ARHGEF4: variants seen among roughly 807,000 people sequenced by gnomAD.
ARHGEF4 encodes the protein APC-stimulated guanine nucleotide exchange factor 1.
Under a neutral mutation model 162.0 loss-of-function variants are expected in ARHGEF4, and 119 were observed. The observed-to-expected ratio is 0.73, with a 90% CI of 0.63 to 0.86. ARHGEF4 has a LOEUF of 0.86. ARHGEF4 is among the 40% of genes least tolerant of loss of function. The probability of loss-of-function intolerance (pLI) is 0.00; values close to 1 mark genes in which losing one functional copy is unlikely to be tolerated. For synonymous variants in ARHGEF4, 1,014 were observed against 979.9 expected (o/e 1.03, Z -0.65); for missense variants, 2,488 against 2,456.0 (o/e 1.01, Z -0.28).
intron 1 of ARHGEF4, among the ~76,000 whole-genome samples, chr2:130,874,234 C>T (rs1344196610): frequency 6.6e-6 from 1 of 152,224 alleles, no homozygotes; most frequent in Non-Finnish European, 1.5e-5. Context: ...TTCTCCTTTT[C>T]AGTAGACAAA....
intron 1 of ARHGEF4, among the ~76,000 whole-genome samples, chr2:130,846,078 G>A (rs1255332516): frequency 2.6e-5 from 4 of 152,232 alleles, no homozygotes; most frequent in Non-Finnish European, 4.4e-5. Context: ...ACCTCGGCCA[G>A]AAGGCAGCCA....
At position 130,917,400 on chromosome 2, in the gene ARHGEF4, C is replaced by G; in HGVS notation, c.3454C>G (p.Leu1152Val). The change falls in exon 2 of 14, where the codon CTA becomes GTA. Residue 1152 changes from leucine to valine, a missense_variant. Around this residue, in one of 6 missense-constraint regions of ARHGEF4, gnomAD observed 1,642 missense variants for 1,481.5 expected, o/e 1.11. Transcript: ENST00000409359. ...CAGTTTCCTGCTTTCTCTGCAGACG[C>G]TAAACCAAGATGAGCAGAAGGAAGA... ...QTSFLLSLQT[L>V]NQDEQKEESR... 1.3e-6 allele frequency: 2 copies of G among 1,550,636 alleles called. No individual in the cohort carries two copies. Among genetic ancestry groups the G allele is most frequent in the Non-Finnish European group, 1.7e-6 (2 of 1,147,008 alleles).
At chr2:130,990,276 G>A (rs1558815564) in intron 4 of ARHGEF4, among the ~76,000 whole-genome samples, 1 of 152,170 alleles carries the variant, frequency 6.6e-6, no homozygotes, top group Non-Finnish European at 1.5e-5. Flanking sequence ...AGTTTGAAGA[G>A]ATGTGTTAAA....
Position 130,914,329 on chromosome 2 carries a change from A to T in ARHGEF4, c.383A>T (p.Lys128Met). 3 of 1,474,852 alleles carry T rather than the reference A, an allele frequency of 2.0e-6. No individual in the cohort carries two copies. The highest frequency in any genetic ancestry group is 2.7e-6 in the Non-Finnish European group (3 of 1,117,166). The allele number at this position is 1,474,852 out of a possible 1,614,324, so 91.4% of individuals were successfully genotyped here. A position where few individuals can be genotyped will look rare whatever the true frequency, so the allele number is the denominator to read the frequency against. The change falls in exon 2 of 14, where the codon AAG becomes ATG. Residue 128 changes from lysine (K) to methionine (M), a missense_variant. Coordinates refer to ENST00000409359, the MANE Select transcript of ARHGEF4 (RefSeq NM_001367493.1). ...HLTSVPGLHA[K>M]EELDLSPSLE... ...ACCAGTGTTCCTGGGCTTCATGCAA[A>T]GGAAGAACTCGATTTGTCCCCTAGC...
chr2:130,919,812 G>T (rs1681757291), intron 2 of ARHGEF4, among the ~76,000 whole-genome samples: 1 of 151,826 alleles, frequency 6.6e-6, no homozygotes, highest in Non-Finnish European at 1.5e-5. Context: ...GGAGGCAAAG[G>T]TTGCAGTGAG....
At chr2:130,952,442 C>T (rs1226101289) in intron 4 of ARHGEF4, among the ~76,000 whole-genome samples, 2 of 151,974 alleles carry the variant, frequency 1.3e-5, no homozygotes, top group Non-Finnish European at 2.9e-5. Context: ...TATGACAAAC[C>T]CACAGCCAAT....
chr2:131,019,402 A>C (rs1464964222), intron 4 of ARHGEF4, among the ~76,000 whole-genome samples: 1 of 152,038 alleles, frequency 6.6e-6, no homozygotes, highest in Non-Finnish European at 1.5e-5. Context: ...ACAAGAGTGA[A>C]ACTCTGTCTC....
chr2:130,848,507 C>T (rs1379381558), intron 1 of ARHGEF4, among the ~76,000 whole-genome samples: 1 of 152,172 alleles, frequency 6.6e-6, no homozygotes, highest in Non-Finnish European at 1.5e-5. Context: ...TGAGCACTGG[C>T]ACTGGAAGCC....
At chr2:130,885,863 C>G (rs1679491153) in intron 1 of ARHGEF4, among the ~76,000 whole-genome samples, 1 of 151,970 alleles carries the variant, frequency 6.6e-6, no homozygotes, top group Non-Finnish European at 1.5e-5. Flanking sequence ...AGCCACCATG[C>G]CCGGCCTTTT....
intron 1 of ARHGEF4, among the ~76,000 whole-genome samples, chr2:130,901,959 C>G (rs2105016973): frequency 6.6e-6 from 1 of 152,266 alleles, no homozygotes; most frequent in South Asian, 2.1e-4. Context: ...GTTATTCATG[C>G]CAGCTGGTTT....
intron 1 of ARHGEF4, among the ~76,000 whole-genome samples, chr2:130,898,361 G>A (rs1157214388): frequency 2.6e-5 from 4 of 152,238 alleles, no homozygotes; most frequent in African/African-American, 7.2e-5. Context: ...GGAGTATCAG[G>A]GTAAGCGGTT....
At chr2:131,033,428 C>G (rs118062116) in intron 5 of ARHGEF4, among the ~76,000 whole-genome samples, 3 of 152,176 alleles carry the variant, frequency 2.0e-5, no homozygotes, top group African/African-American at 7.2e-5. Context: ...GCCCAGTGGC[C>G]GAGCAGGCTG....
At chr2:130,982,129 G>A (rs772617201) in intron 4 of ARHGEF4, among the ~76,000 whole-genome samples, 8 of 151,934 alleles carry the variant, frequency 5.3e-5, no homozygotes, top group Admixed American at 1.3e-4. Flanking sequence ...CTCCCTAGTC[G>A]CTGGGATTAC....
At chr2:130,901,051 G>T (rs1680458858) in intron 1 of ARHGEF4, among the ~76,000 whole-genome samples, 1 of 152,132 alleles carries the variant, frequency 6.6e-6, no homozygotes, top group African/African-American at 2.4e-5. Context: ...AGTACCCAGT[G>T]CTGGTGGGCT....
chr2:131,040,751 T>C (rs1690746336), intron 8 of ARHGEF4, among the ~76,000 whole-genome samples: 2 of 152,190 alleles, frequency 1.3e-5, no homozygotes, highest in South Asian at 4.1e-4. Context: ...CAGAGTGAGC[T>C]CTGGGGTTTC....
intron 4 of ARHGEF4, chr2:131,011,925 T>G: frequency 1.4e-6 from 1 of 701,970 alleles, no homozygotes; most frequent in South Asian, 1.5e-5. Context: ...GGTGGACAGA[T>G]GAAAAATGGT....
At chr2:130,938,138 A>G (rs570373151) in intron 3 of ARHGEF4, among the ~76,000 whole-genome samples, 2 of 152,312 alleles carry the variant, frequency 1.3e-5, no homozygotes, top group East Asian at 3.9e-4. Context: ...GGGCTATTAT[A>G]AATAATATGT....
At chr2:130,992,608 C>A (rs1379986937) in intron 4 of ARHGEF4, among the ~76,000 whole-genome samples, 2 of 151,862 alleles carry the variant, frequency 1.3e-5, no homozygotes, top group Non-Finnish European at 2.9e-5. Flanking sequence ...AAACTCCAGA[C>A]GCGCCACCTT....
chr2:130,931,971 A>G (rs1376002789), intron 3 of ARHGEF4, among the ~76,000 whole-genome samples: 3 of 152,168 alleles, frequency 2.0e-5, no homozygotes, highest in Non-Finnish European at 4.4e-5. Flanking sequence ...ATTCATTGGC[A>G]TTTAGTATAT....
Sources: allele counts gnomAD v4.1 joint callset (sites outside exome capture counted in the v4.1 genomes callset), GRCh38; gene constraint gnomAD v4.1.1; regional missense constraint gnomAD v4.1.1; transcripts MANE v1.5; gene names NCBI Gene and HGNC (gene_info 2026-07-23, HGNC 2026-07-21).